UBL3: variants seen among roughly 807,000 people sequenced by gnomAD.
UBL3 encodes ubiquitin-like protein 3.
UBL3 carries 6 observed loss-of-function variants against 18.4 expected under a neutral mutation model. The observed-to-expected ratio is 0.33, with a 90% CI of 0.18 to 0.64. UBL3 has a LOEUF of 0.64. Ranked by LOEUF, UBL3 falls within the 30% of genes least tolerant of loss-of-function variation. The probability of loss-of-function intolerance (pLI) is 0.76; values close to 1 mark genes in which losing one functional copy is unlikely to be tolerated. For missense variants in UBL3, 109 were observed against 142.9 expected (o/e 0.76, Z 1.21); for synonymous variants, 49 against 46.6 (o/e 1.05, Z -0.21).
intron 3 of UBL3, among the ~76,000 whole-genome samples, chr13:29,770,815 A>C (rs969479986): frequency 3.2e-5 from 3 of 93,692 alleles, no homozygotes; most frequent in Non-Finnish European, 7.7e-5. Flanking sequence ...CTATTTATAC[A>C]AAAGCTATAA....
intron 1 of UBL3, among the ~76,000 whole-genome samples, chr13:29,806,229 A>G (rs754181819): frequency 8.5e-5 from 13 of 152,186 alleles, no homozygotes; most frequent in Non-Finnish European, 1.9e-4. Context: ...TTGTATTTCT[A>G]TATTAGTAAA....
intron 1 of UBL3, among the ~76,000 whole-genome samples, chr13:29,828,156 CT>C (rs1309788166): frequency 6.6e-6 from 1 of 152,066 alleles, no homozygotes; most frequent in African/African-American, 2.4e-5. Flanking sequence ...AATTATGTGT[CT>C]TGGAGTTGCC....
intron 1 of UBL3, among the ~76,000 whole-genome samples, chr13:29,844,884 C>T (rs12859613): frequency 0.045 from 6,901 of 152,130 alleles, 225 homozygotes; most frequent in Middle Eastern, 0.092. Flanking sequence ...CAAGTGATAA[C>T]AGAAGCAGAC....
intron 1 of UBL3, among the ~76,000 whole-genome samples, chr13:29,843,046 T>G (rs1879143691): frequency 6.6e-6 from 1 of 152,138 alleles, no homozygotes; most frequent in African/African-American, 2.4e-5. Flanking sequence ...GGCACACTGA[T>G]CACAGGAAAA....
intron 1 of UBL3, among the ~76,000 whole-genome samples, chr13:29,795,397 A>C (rs1255795602): frequency 6.6e-6 from 1 of 152,088 alleles, no homozygotes; most frequent in African/African-American, 2.4e-5. Flanking sequence ...TGCAGTACAT[A>C]GTAGTAACAT....
At chr13:29,776,553 A>G (rs1876997106) in intron 2 of UBL3, among the ~76,000 whole-genome samples, 1 of 151,930 alleles carries the variant, frequency 6.6e-6, no homozygotes, top group African/African-American at 2.4e-5. Context: ...ATGAGCCACC[A>G]TCCCTGGCTG....
At chr13:29,806,651 C>T (rs535536698) in intron 1 of UBL3, among the ~76,000 whole-genome samples, 1 of 152,272 alleles carries the variant, frequency 6.6e-6, no homozygotes, top group Admixed American at 6.5e-5. Flanking sequence ...AGACCAAGAT[C>T]TTTGCTTCAT....
chr13:29,826,678 A>G (rs1053971236), intron 1 of UBL3, among the ~76,000 whole-genome samples: 5 of 151,732 alleles, frequency 3.3e-5, no homozygotes, highest in Non-Finnish European at 7.4e-5. Context: ...TTGTGTCTCT[A>G]TCTCCTTCAG....
chr13:29,841,526 T>C (rs1212319024), intron 1 of UBL3, among the ~76,000 whole-genome samples: 1 of 152,142 alleles, frequency 6.6e-6, no homozygotes. Context: ...TTAAAATCAT[T>C]CCAATCCAGA....
intron 1 of UBL3, among the ~76,000 whole-genome samples, chr13:29,818,357 CTT>C (rs1878338500): frequency 6.6e-6 from 1 of 152,166 alleles, no homozygotes; most frequent in South Asian, 2.1e-4. Flanking sequence ...TTCAGAGACA[CTT>C]AACATCAATT....
intron 1 of UBL3, among the ~76,000 whole-genome samples, chr13:29,844,881 T>C (rs1183825244): frequency 1.3e-5 from 2 of 152,152 alleles, no homozygotes; most frequent in Admixed American, 6.5e-5. Flanking sequence ...TTCCAAGTGA[T>C]AACAGAAGCA....
At chr13:29,796,782 C>T (rs905142865) in intron 1 of UBL3, among the ~76,000 whole-genome samples, 1 of 152,198 alleles carries the variant, frequency 6.6e-6, no homozygotes, top group African/African-American at 2.4e-5. Flanking sequence ...CATCTTGGAT[C>T]TCTACCATGA....
At chr13:29,819,192 T>C (rs1241350688) in intron 1 of UBL3, among the ~76,000 whole-genome samples, 1 of 152,242 alleles carries the variant, frequency 6.6e-6, no homozygotes, top group Non-Finnish European at 1.5e-5. Context: ...AAATTTTTCA[T>C]GAAAGTTAAA....
intron 1 of UBL3, among the ~76,000 whole-genome samples, chr13:29,819,312 CG>C (rs1332715865): frequency 6.6e-6 from 1 of 152,196 alleles, no homozygotes; most frequent in Non-Finnish European, 1.5e-5. Flanking sequence ...AAGCGTAAAA[CG>C]AAAGGCAAAG....
chr13:29,767,488 A>T, intron 4 of UBL3, 130 bp downstream of exon 4: 1 of 1,189,916 alleles, frequency 8.4e-7, no homozygotes, highest in Non-Finnish European at 1.2e-6. Context: ...ATGTCTGGTT[A>T]TTTGCTTGAC....
chr13:29,788,465 T>C (rs968978875), intron 1 of UBL3, among the ~76,000 whole-genome samples: 2 of 152,224 alleles, frequency 1.3e-5, no homozygotes, highest in African/African-American at 4.8e-5. Flanking sequence ...AGAGGCTGGC[T>C]AGAACCTGGG....
chr13:29,819,595 T>A (rs1878372616), intron 1 of UBL3, among the ~76,000 whole-genome samples: 1 of 152,212 alleles, frequency 6.6e-6, no homozygotes, highest in African/African-American at 2.4e-5. Context: ...ACTGCTTACT[T>A]ATGATAATGA....
Position 29,849,876 on chromosome 13 carries a change from G to A in UBL3, c.-338C>T, listed in dbSNP as rs1593681903. The A allele has an allele frequency of 6.4e-6, 3 of 469,712 alleles. No individual in the cohort carries two copies. Among genetic ancestry groups the A allele is most frequent in the Non-Finnish European group, 1.2e-5 (3 of 257,384 alleles). The allele number at this position is 469,712 out of a possible 1,614,324, so 29.1% of individuals were successfully genotyped here. On this transcript the variant is annotated 5_prime_UTR_variant, in exon 1 of 5. Transcript: ENST00000380680. ...GAGTGACACACGGACATGGAGAGGGGTGGGAGGGGGTTAAATGCGCCTTCC... is the reference window on the plus strand; with the variant it reads ...GAGTGACACACGGACATGGAGAGGGATGGGAGGGGGTTAAATGCGCCTTCC...
chr13:29,766,739 GT>G lies in UBL3; in HGVS notation c.*515del, dbSNP rs1876695960. 1.3e-5 allele frequency: 2 copies of G among 152,216 alleles called. No individual in the cohort carries two copies. Among genetic ancestry groups the G allele is most frequent in the Non-Finnish European group, 2.9e-5 (2 of 68,092 alleles). 9.4% of individuals were successfully genotyped at this position (152,216 alleles called of 1,614,324 possible). ...TTGGTAGAATTCACCCAACATTTTA[GT>G]TTCTTTTCCATTTTTTCCTCTCAAG... On this transcript the variant is annotated 3_prime_UTR_variant, in exon 5 of 5. Coordinates refer to ENST00000380680, the MANE Select transcript of UBL3 (RefSeq NM_007106.4).
Sources: allele counts gnomAD v4.1 joint callset (sites outside exome capture counted in the v4.1 genomes callset), GRCh38; gene constraint gnomAD v4.1.1; transcripts MANE v1.5; gene names NCBI Gene and HGNC (gene_info 2026-07-23, HGNC 2026-07-21).